Variants in NEDD9 observed in about 807,000 individuals in gnomAD.
NEDD9 encodes neural precursor cell expressed, developmentally down-regulated 9, also known as enhancer of filamentation 1.
NEDD9 carries 26 observed loss-of-function variants against 76.6 expected under a neutral mutation model. The ratio of observed to expected loss-of-function variants is 0.34; its 90% CI spans 0.25 to 0.47. NEDD9 has a LOEUF of 0.47. NEDD9 is among the 20% of genes least tolerant of loss of function. NEDD9 has a pLI of 1.00. For synonymous variants in NEDD9, 392 were observed against 414.2 expected (o/e 0.95, Z 0.65); for missense variants, 937 against 1,058.5 (o/e 0.89, Z 1.59).
intron 1 of NEDD9, among the ~76,000 whole-genome samples, chr6:11,218,837 G>C (rs116649654): frequency 0.01 from 1,525 of 152,274 alleles, 28 homozygotes; most frequent in African/African-American, 0.035. Context: ...GAAAGGGCCT[G>C]CCCCTCCCTA....
At chr6:11,200,460 A>G in intron 2 of NEDD9, 1 of 944,282 alleles carries the variant, frequency 1.1e-6, no homozygotes, top group Non-Finnish European at 1.3e-6. Flanking sequence ...AAAGATAAAC[A>G]GGAATTCAGG....
At chr6:11,353,490 GA>G (rs1221802253) in intron 1 of NEDD9, among the ~76,000 whole-genome samples, 1 of 152,230 alleles carries the variant, frequency 6.6e-6, no homozygotes, top group Non-Finnish European at 1.5e-5. Context: ...AAGAGGCAAG[GA>G]AGGATCCTCC....
intron 3 of NEDD9, among the ~76,000 whole-genome samples, chr6:11,253,940 A>T (rs998405440): frequency 9.2e-5 from 14 of 152,212 alleles, no homozygotes; most frequent in African/African-American, 3.4e-4. Context: ...TGGAGCCACC[A>T]ATTAATATTA....
intron 1 of NEDD9, among the ~76,000 whole-genome samples, chr6:11,220,715 T>G (rs570009072): frequency 2.0e-4 from 30 of 152,324 alleles, no homozygotes; most frequent in African/African-American, 7.2e-4. Flanking sequence ...GATATTTGGA[T>G]CTCAGAAAGA....
At chr6:11,237,015 C>T (rs555783529), upstream of NEDD9, among the ~76,000 whole-genome samples, 27 of 152,250 alleles carry the variant, frequency 1.8e-4, no homozygotes, top group East Asian at 1.9e-3. The surrounding 1 kb of genome is among the most constrained non-coding windows in gnomAD (Gnocchi z 4.9). Flanking sequence ...CACAGGCAGG[C>T]CCCTTTGCTG....
At chr6:11,217,865 G>C (rs115545245) in intron 1 of NEDD9, among the ~76,000 whole-genome samples, 194 of 152,314 alleles carry the variant, frequency 1.3e-3, no homozygotes, top group African/African-American at 4.3e-3. Context: ...CTCTAGCCTT[G>C]ATCCCCAGCC....
intron 2 of NEDD9, among the ~76,000 whole-genome samples, chr6:11,329,917 C>G (rs1762000279): frequency 1.3e-5 from 2 of 152,082 alleles, no homozygotes; most frequent in South Asian, 4.2e-4. Flanking sequence ...CTGGGGAGGG[C>G]CTTGCCTTTG....
chr6:11,281,156 T>A (rs1760528787), intron 3 of NEDD9, among the ~76,000 whole-genome samples: 1 of 152,252 alleles, frequency 6.6e-6, no homozygotes, highest in Admixed American at 6.5e-5. Context: ...CAAATGCTTG[T>A]GTTGCAGATG....
At chr6:11,276,210 G>A (rs1760413579) in intron 3 of NEDD9, among the ~76,000 whole-genome samples, 1 of 152,178 alleles carries the variant, frequency 6.6e-6, no homozygotes, top group Non-Finnish European at 1.5e-5. Context: ...AATTACCTGG[G>A]AGAAAATGAG....
chr6:11,298,268 G>A (rs541538534), intron 3 of NEDD9, among the ~76,000 whole-genome samples: 16 of 152,190 alleles, frequency 1.1e-4, no homozygotes, highest in South Asian at 6.2e-4. Context: ...ATATGTATGC[G>A]TAGTGTGAAG....
Position 11,190,683 on chromosome 6 carries a change from G to A in NEDD9, c.1186C>T (p.Pro396Ser), listed in dbSNP as rs1758115748. 1 of 1,614,138 alleles carries A rather than the reference G, an allele frequency of 6.2e-7. No individual in the cohort carries two copies. The highest frequency in any genetic ancestry group is 8.5e-7 in the Non-Finnish European group (1 of 1,180,036). Residue 396 changes from proline to serine, a missense_variant, in exon 5 of 7, where the codon CCA becomes TCA. By Grantham distance (74) the Pro-to-Ser change is moderately conservative. Coordinates refer to ENST00000379446, the MANE Select transcript of NEDD9 (RefSeq NM_006403.4). This position sits in a 1 kb window ranked among gnomAD's most constrained non-coding sequence, Gnocchi z 5.8. ...SSKESSLSAS[P>S]AQDKRLFLDP... Reference sequence around the variant, plus strand: ...AGGAAGAGCCTTTTGTCCTGAGCTGGGGAGGCTGACAGTGAGGACTCCTTG... The same window carrying A: ...AGGAAGAGCCTTTTGTCCTGAGCTGAGGAGGCTGACAGTGAGGACTCCTTG...
chr6:11,333,060 A>AAGGGAGGGAGGGAGGG, intron 2 of NEDD9, among the ~76,000 whole-genome samples: 1 of 23,142 alleles, frequency 4.3e-5, no homozygotes, highest in African/African-American at 3.5e-4. Context: ...GGAAGGAAGG[A>AAGGGAGGGAGGGAGGG]AGGGAGGGAG....
In NEDD9 at chr6:11,190,317, T is replaced by C; in HGVS notation, c.1552A>G (p.Ile518Val). ...ECSWSLNILA[I>V]NKPQNKCDDL... The stretch of plus-strand genomic sequence containing the variant: ...TCACACTTGTTCTGGGGCTTGTTGA[T>C]GGCCAAGATATTCAGGGACCAGCTG... Residue 518 changes from isoleucine (I) to valine (V), a missense_variant, in exon 5 of 7, where the codon ATC (isoleucine) becomes GTC (valine). By Grantham distance (29) the Ile-to-Val change is conservative (BLOSUM62 3). Transcript: ENST00000379446. The surrounding 1 kb of genome is among the most constrained non-coding windows in gnomAD (Gnocchi z 5.8). 6.2e-7 allele frequency: 1 copy of C among 1,614,248 alleles called. No homozygotes were observed. The highest frequency in any genetic ancestry group is 8.5e-7 in the Non-Finnish European group (1 of 1,180,050).
chr6:11,191,346 G>T, intron 4 of NEDD9, 141 bp from the exon 5 acceptor site: 1 of 855,396 alleles, frequency 1.2e-6, no homozygotes, highest in Non-Finnish European at 1.7e-6. Context: ...AAGGTTCCCC[G>T]TTATTCTGCT....
At chr6:11,230,766 G>C (rs1042385440) in intron 1 of NEDD9, among the ~76,000 whole-genome samples, 1 of 152,232 alleles carries the variant, frequency 6.6e-6, no homozygotes, top group African/African-American at 2.4e-5. Context: ...TTCAACACCA[G>C]TAAGGCCCAG....
chr6:11,326,763 C>T (rs1761937053), intron 2 of NEDD9, among the ~76,000 whole-genome samples: 1 of 152,230 alleles, frequency 6.6e-6, no homozygotes, highest in South Asian at 2.1e-4. Flanking sequence ...GCCCAGCTGC[C>T]CCTGCCCCGT....
rs946132304 is a variant in NEDD9 at position 11,312,687 on chromosome 6, A to G, written c.-152-6532T>C. Among the ~76,000 whole-genome samples, 4 of 98,662 alleles carry G rather than the reference A, an allele frequency of 4.1e-5. No individual in the cohort carries two copies. In the Admixed American group the frequency reaches 4.2e-4, roughly 10 times the overall value. The allele number at this position is 98,662 out of a possible 152,430, so 64.7% of individuals were successfully genotyped here. A position where few individuals can be genotyped will look rare whatever the true frequency, so the allele number is the denominator to read the frequency against. ...TAATGGTATTATAATTTTATATTAT[A>G]TATATTATATATATATATATATATT... On this transcript the variant is annotated intron_variant, in intron 2 of 3. Coordinates refer to the NEDD9 transcript ENST00000397378.
At chr6:11,285,850 T>C (rs2113366652) in intron 3 of NEDD9, among the ~76,000 whole-genome samples, 2 of 152,302 alleles carry the variant, frequency 1.3e-5, no homozygotes, top group South Asian at 4.1e-4. Context: ...ATTATATGAA[T>C]ATTAATTCAA....
At chr6:11,239,117 T>C (rs1759661420) in intron 3 of NEDD9, among the ~76,000 whole-genome samples, 1 of 152,104 alleles carries the variant, frequency 6.6e-6, no homozygotes, top group Non-Finnish European at 1.5e-5. Context: ...CAGTGTGCCA[T>C]GTTTGTGCCA....
Sources: allele counts gnomAD v4.1 joint callset (sites outside exome capture counted in the v4.1 genomes callset), GRCh38; gene constraint gnomAD v4.1.1; non-coding constraint Gnocchi (gnomAD v3.1); transcripts MANE v1.5; gene names NCBI Gene and HGNC (gene_info 2026-07-23, HGNC 2026-07-21).